The following GPC5 variants were observed in gnomAD, a reference collection of about 807,000 sequenced individuals.
GPC5 encodes glypican 5.
Under a neutral mutation model 53.9 loss-of-function variants are expected in GPC5, and 47 were observed. The ratio of observed to expected loss-of-function variants is 0.87; its 90% CI spans 0.69 to 1.11. The LOEUF (loss-of-function observed/expected upper bound fraction) is 1.11, where lower values mean the gene tolerates loss of function less well. Ranked by LOEUF, GPC5 falls within the 50% of genes most tolerant of loss-of-function variation. The pLI, the probability that GPC5 is intolerant of heterozygous loss-of-function variation, is 0.00. For synonymous variants in GPC5, 286 were observed against 263.3 expected (o/e 1.09, Z -0.84); for missense variants, 748 against 713.1 (o/e 1.05, Z -0.56).
At chr13:92,477,055 AAATAAAT>A (rs2139428801) in intron 7 of GPC5, among the ~76,000 whole-genome samples, 1 of 55,736 alleles carries the variant, frequency 1.8e-5, no homozygotes, top group African/African-American at 1.3e-4. Flanking sequence ...AATAAAAAAT[AAATAAAT>A]AAATAAATAA....
intron 7 of GPC5, among the ~76,000 whole-genome samples, chr13:92,601,917 G>T (rs1302817942): frequency 6.6e-6 from 1 of 151,294 alleles, no homozygotes; most frequent in Admixed American, 6.6e-5. Flanking sequence ...AATACCTTGA[G>T]TTATTTCTAT....
intron 7 of GPC5, among the ~76,000 whole-genome samples, chr13:92,720,151 G>A (rs1888465226): frequency 6.6e-6 from 1 of 152,014 alleles, no homozygotes; most frequent in African/African-American, 2.4e-5. Flanking sequence ...AAATAGGGTG[G>A]GCAATGAAAC....
chr13:91,812,431 G>A lies in GPC5; in HGVS notation c.1280+56011G>A, dbSNP rs575041790. ...AGAAAAATATTTATGAAGTACTTTA[G>A]CACACTAGCTGCTTTATACTCTGCC... On this transcript the variant is annotated intron_variant, in intron 5 of 7. Coordinates refer to ENST00000377067, the MANE Select transcript of GPC5 (RefSeq NM_004466.6). 7.9e-5 allele frequency among the ~76,000 whole-genome samples: 12 copies of A among 152,276 alleles called. No homozygotes were observed. In the East Asian group the frequency reaches 1.9e-3, roughly 25 times the overall value.
intron 7 of GPC5, among the ~76,000 whole-genome samples, chr13:92,707,750 C>T (rs1199518575): frequency 1.3e-5 from 2 of 151,626 alleles, no homozygotes; most frequent in Non-Finnish European, 2.9e-5. Flanking sequence ...ACAAAATATA[C>T]AGTATATCTG....
intron 3 of GPC5, among the ~76,000 whole-genome samples, chr13:91,712,941 A>G (rs12865710): frequency 0.029 from 4,455 of 152,330 alleles, 88 homozygotes; most frequent in Non-Finnish European, 0.044. Flanking sequence ...CTGTAATCCC[A>G]GCACTTTGGG....
intron 6 of GPC5, among the ~76,000 whole-genome samples, chr13:92,075,642 T>G (rs1371807847): frequency 6.6e-6 from 1 of 152,202 alleles, no homozygotes; most frequent in African/African-American, 2.4e-5. Flanking sequence ...TGTAACATAT[T>G]AAAATGTATG....
At chr13:91,404,910 G>A (rs1286755028) in intron 1 of GPC5, among the ~76,000 whole-genome samples, 2 of 152,098 alleles carry the variant, frequency 1.3e-5, no homozygotes, top group African/African-American at 4.8e-5. Flanking sequence ...AAAGAATATA[G>A]AATAATTTCC....
intron 7 of GPC5, among the ~76,000 whole-genome samples, chr13:92,349,231 C>T (rs1204050777): frequency 6.6e-6 from 1 of 152,146 alleles, no homozygotes; most frequent in African/African-American, 2.4e-5. Context: ...GCAACCTCCA[C>T]CTCCCAGGTT....
chr13:91,478,488 G>A (rs1883067451), intron 2 of GPC5, among the ~76,000 whole-genome samples: 2 of 151,382 alleles, frequency 1.3e-5, no homozygotes, highest in African/African-American at 4.8e-5. Context: ...GTTTGTTGTA[G>A]TTTTAGCATC....
chr13:91,648,515 C>A (rs184073601), intron 2 of GPC5, among the ~76,000 whole-genome samples: 61 of 151,994 alleles, frequency 4.0e-4, no homozygotes, highest in African/African-American at 1.4e-3. Context: ...TCCATAAGGC[C>A]TTTTAAGTTT....
At chr13:91,569,172 A>C (rs2031670329) in intron 2 of GPC5, among the ~76,000 whole-genome samples, 2 of 152,188 alleles carry the variant, frequency 1.3e-5, no homozygotes, top group South Asian at 4.1e-4. Context: ...GAAATTGAAC[A>C]ACAGACCAAG....
At chr13:92,546,970 G>C (rs1437205783) in intron 7 of GPC5, among the ~76,000 whole-genome samples, 1 of 152,184 alleles carries the variant, frequency 6.6e-6, no homozygotes, top group Non-Finnish European at 1.5e-5. Context: ...GCCATATGTA[G>C]AAAGCTGAAA....
chr13:92,866,325 TCAAA>T lies in GPC5; in HGVS notation c.1608_1611del (p.Asp538LeufsTer5), dbSNP rs1459605667. On this transcript the variant is annotated frameshift_variant, in exon 8 of 8. Transcript: ENST00000377067. LOFTEE classifies it low-confidence loss of function (END_TRUNC). ...ACTTCAGTGATGTAAAGCAAATCCA[TCAAA>T]CAGACACTGGCAGTACTTTAGACAC... is the stretch of plus-strand genomic sequence containing the variant. 1.9e-5 allele frequency: 31 copies of T among 1,612,766 alleles called. No individual in the cohort carries two copies. The highest frequency in any genetic ancestry group is 2.6e-5 in the Non-Finnish European group (31 of 1,179,238).
chr13:91,741,190 T>C (rs1158496907), intron 4 of GPC5, among the ~76,000 whole-genome samples: 1 of 152,202 alleles, frequency 6.6e-6, no homozygotes, highest in Non-Finnish European at 1.5e-5. Flanking sequence ...TATTGGATTT[T>C]TTTGAAACAA....
At chr13:92,084,357 G>C (rs11841708) in intron 6 of GPC5, among the ~76,000 whole-genome samples, 1 of 152,078 alleles carries the variant, frequency 6.6e-6, no homozygotes, top group African/African-American at 2.4e-5. Flanking sequence ...ATCTTTATAG[G>C]CATTATGTAT....
Position 92,473,281 on chromosome 13 carries a change from T to G in GPC5, c.1561+328292T>G, listed in dbSNP as rs1489176374. On this transcript the variant is annotated intron_variant, in intron 7 of 7. Transcript: ENST00000377067. ...CCAATAGCCAATAAGATACAGACTT[T>G]GAGTTTTGTGTTTCAGGAGTTATGG... Among the ~76,000 whole-genome samples the G allele has an allele frequency of 3.3e-5, 5 of 152,218 alleles. No individual in the cohort carries two copies. The South Asian group carries it at 8.3e-4, about 25-fold the overall frequency.
chr13:91,941,110 G>T (rs1298234258), intron 6 of GPC5, among the ~76,000 whole-genome samples: 1 of 151,890 alleles, frequency 6.6e-6, no homozygotes, highest in Non-Finnish European at 1.5e-5. Flanking sequence ...TTTCTTTTAT[G>T]ATTTTTATGG....
intron 7 of GPC5, among the ~76,000 whole-genome samples, chr13:92,234,512 T>A (rs2042555314): frequency 6.6e-6 from 1 of 152,122 alleles, no homozygotes; most frequent in African/African-American, 2.4e-5. Flanking sequence ...GCAGAAAGCT[T>A]TTATATCTTT....
chr13:92,641,572 G>A (rs779858877), intron 7 of GPC5, among the ~76,000 whole-genome samples: 1 of 152,148 alleles, frequency 6.6e-6, no homozygotes, highest in Non-Finnish European at 1.5e-5. Context: ...ATGCTTATTT[G>A]AGGATATTTA....
Sources: allele counts gnomAD v4.1 joint callset (sites outside exome capture counted in the v4.1 genomes callset), GRCh38; gene constraint gnomAD v4.1.1; transcripts MANE v1.5; gene names NCBI Gene and HGNC (gene_info 2026-07-23, HGNC 2026-07-21).